The following SYT1 variants were observed in gnomAD, a reference collection of about 807,000 sequenced individuals.
The protein encoded by SYT1 is synaptotagmin 1.
In SYT1, 8 loss-of-function variants were observed where a neutral mutation model predicts 44.8. The ratio of observed to expected loss-of-function variants is 0.18; its 90% CI spans 0.10 to 0.32. The LOEUF (loss-of-function observed/expected upper bound fraction) is 0.32. Among genes scored for constraint, SYT1 ranks in the 10% least tolerant of loss-of-function variants. The probability of loss-of-function intolerance (pLI) is 1.00; values close to 1 mark genes in which losing one functional copy is unlikely to be tolerated. For missense variants in SYT1, 286 were observed against 509.3 expected (o/e 0.56, Z 4.22); for synonymous variants, 154 against 188.8 (o/e 0.82, Z 1.51).
intron 3 of SYT1, among the ~76,000 whole-genome samples, chr12:79,097,271 C>A (rs1416610606): frequency 6.6e-6 from 1 of 152,010 alleles, no homozygotes; most frequent in African/African-American, 2.4e-5. Context: ...TATTCCCTTA[C>A]TGCAGTAGTC....
rs61929019 is a variant in SYT1, at chr12:79,066,212, T to A, written c.-18+18850T>A. Among the ~76,000 whole-genome samples, 1,273 of 152,236 alleles carry A rather than the reference T, an allele frequency of 8.4e-3. 6 individuals carry two copies. Among genetic ancestry groups the A allele is most frequent in the Non-Finnish European group, 0.013 (863 of 68,014 alleles). ...ACATGGCAAAATTATGCTCCCAATTTAATTAGCAAAGAATACATTTTACCA... is the reference window on the plus strand; with the variant it reads ...ACATGGCAAAATTATGCTCCCAATTAAATTAGCAAAGAATACATTTTACCA... On this transcript the variant is annotated intron_variant, in intron 3 of 10. Transcript: ENST00000261205.
At chr12:79,120,490 T>TA (rs1879536394) in intron 3 of SYT1, among the ~76,000 whole-genome samples, 1 of 152,212 alleles carries the variant, frequency 6.6e-6, no homozygotes, top group African/African-American at 2.4e-5. Context: ...CAAGGATTTT[T>TA]ATCTTTCTTG....
intron 3 of SYT1, among the ~76,000 whole-genome samples, chr12:79,097,445 A>G (rs1878201553): frequency 6.6e-6 from 1 of 152,018 alleles, no homozygotes; most frequent in Admixed American, 6.6e-5. Context: ...TGTTAGCCAG[A>G]GGTCATTGAT....
At chr12:79,064,471 T>C (rs1875615061) in intron 3 of SYT1, among the ~76,000 whole-genome samples, 1 of 152,176 alleles carries the variant, frequency 6.6e-6, no homozygotes, top group Non-Finnish European at 1.5e-5. Context: ...ATGTTTCTCT[T>C]TCCACTAATT....
At chr12:79,340,981 A>G (rs1236421388) in intron 8 of SYT1, among the ~76,000 whole-genome samples, 2 of 152,174 alleles carry the variant, frequency 1.3e-5, no homozygotes, top group African/African-American at 4.8e-5. Context: ...GACACCTACA[A>G]TTTTATGTTG....
At chr12:78,991,427 A>G (rs901087029) in intron 2 of SYT1, among the ~76,000 whole-genome samples, 4 of 152,118 alleles carry the variant, frequency 2.6e-5, no homozygotes, top group Non-Finnish European at 5.9e-5. Flanking sequence ...TCTTTGGCCT[A>G]TAGCGAATGA....
rs538792993 is a variant in SYT1 at position 78,912,803 on chromosome 12, G to A, written c.-217+47694G>A. ...AGGAGAAAATGCTCACACACTTGGG[G>A]TTGCCCTGTAACTCACCTCAAATTA... is the stretch of plus-strand genomic sequence containing the variant. On this transcript the variant is annotated intron_variant, in intron 1 of 10. Coordinates refer to ENST00000261205, the MANE Select transcript of SYT1 (RefSeq NM_005639.3). Among the ~76,000 whole-genome samples, 28 of 151,962 alleles carry A rather than the reference G, an allele frequency of 1.8e-4. No homozygotes were observed. The East Asian group carries it at 5.4e-3, about 30-fold the overall frequency.
chr12:79,073,233 C>T (rs1165708728), intron 3 of SYT1, among the ~76,000 whole-genome samples: 1 of 152,050 alleles, frequency 6.6e-6, no homozygotes, highest in Non-Finnish European at 1.5e-5. Context: ...TCCCTAGTAG[C>T]TGGGACTATG....
chr12:79,430,660 A>G (rs1284669580), intron 9 of SYT1, among the ~76,000 whole-genome samples: 1 of 152,186 alleles, frequency 6.6e-6, no homozygotes, highest in East Asian at 1.9e-4. Context: ...TGTGGTGTGC[A>G]CCTGTAGTCC....
chr12:79,192,585 C>A (rs1361542768), intron 3 of SYT1, among the ~76,000 whole-genome samples: 1 of 152,044 alleles, frequency 6.6e-6, no homozygotes, highest in African/African-American at 2.4e-5. Flanking sequence ...GGAAAGGATG[C>A]AAAGGAGGAA....
chr12:79,402,376 T>C (rs1406809039), intron 9 of SYT1, among the ~76,000 whole-genome samples: 1 of 152,062 alleles, frequency 6.6e-6, no homozygotes, highest in Non-Finnish European at 1.5e-5. Context: ...GGAGATAAAA[T>C]CTGGGTTTCA....
chr12:78,962,956 T>A (rs1879588751), intron 1 of SYT1, among the ~76,000 whole-genome samples: 1 of 152,108 alleles, frequency 6.6e-6, no homozygotes, highest in African/African-American at 2.4e-5. Context: ...ATTGAACAAC[T>A]CCCCAGTTCC....
At chr12:79,437,151 C>T (rs1870135845) in intron 9 of SYT1, among the ~76,000 whole-genome samples, 1 of 152,044 alleles carries the variant, frequency 6.6e-6, no homozygotes, top group Non-Finnish European at 1.5e-5. Context: ...GGAGATATGA[C>T]AATAAGTTAG....
chr12:79,249,261 C>T (rs939683408), intron 4 of SYT1, among the ~76,000 whole-genome samples: 9 of 151,532 alleles, frequency 5.9e-5, no homozygotes, highest in East Asian at 5.8e-4. Flanking sequence ...CCCGCCACCG[C>T]GCCCGGCTAA....
At chr12:79,388,551 T>G (rs1723331062) in intron 9 of SYT1, among the ~76,000 whole-genome samples, 1 of 151,188 alleles carries the variant, frequency 6.6e-6, no homozygotes, top group South Asian at 2.1e-4. Flanking sequence ...AAATAAAAAA[T>G]AAATAAAAAA....
At chr12:78,938,724 G>A (rs1878197844) in intron 1 of SYT1, among the ~76,000 whole-genome samples, 1 of 152,176 alleles carries the variant, frequency 6.6e-6, no homozygotes, top group African/African-American at 2.4e-5. Flanking sequence ...TTTGAAATAA[G>A]TTGACAGATT....
intron 3 of SYT1, among the ~76,000 whole-genome samples, chr12:79,173,003 AAAAG>A (rs1871632826): frequency 1.4e-5 from 2 of 139,678 alleles, no homozygotes; most frequent in African/African-American, 2.9e-5. Context: ...AAAAAAAAAA[AAAAG>A]GGAGTTTGGC....
chr12:79,001,496 G>A (rs1275667839), intron 2 of SYT1, among the ~76,000 whole-genome samples: 1 of 152,164 alleles, frequency 6.6e-6, no homozygotes, highest in African/African-American at 2.4e-5. Context: ...CTAGGGTTTA[G>A]AAGACTAAAG....
chr12:78,984,961 T>A (rs1003667597), intron 2 of SYT1, among the ~76,000 whole-genome samples: 2 of 151,854 alleles, frequency 1.3e-5, no homozygotes, highest in African/African-American at 4.8e-5. Flanking sequence ...AGAAAATAAG[T>A]TCAAGATGCT....
Sources: gnomAD v4.1 joint callset for allele counts (sites outside exome capture counted in the v4.1 genomes callset) on GRCh38, gnomAD v4.1.1 for gene constraint, MANE v1.5 for transcripts, NCBI Gene and HGNC (gene_info 2026-07-23, HGNC 2026-07-21) for gene names.